CRADD: variants seen among roughly 807,000 people sequenced by gnomAD.
The protein encoded by CRADD is death domain-containing protein CRADD.
In CRADD, 9 loss-of-function variants were observed where a neutral mutation model predicts 15.5. That is an observed-to-expected ratio of 0.58 (90% CI 0.35 to 1.01). The LOEUF is 1.01. CRADD is among the 50% of genes least tolerant of loss of function. The pLI is 0.02. For synonymous variants in CRADD, 118 were observed against 107.6 expected (o/e 1.10, Z -0.60); for missense variants, 227 against 250.3 (o/e 0.91, Z 0.63).
At position 93,690,702 on chromosome 12, in the gene CRADD, G is replaced by A. The variant is rs57226621; in HGVS notation, c.298+11630G>A. On this transcript the variant is annotated intron_variant, in intron 2 of 2. Transcript: ENST00000332896. ...TAGATAAATTGCTCAAGGTCACACA[G>A]TTTGGCAGTAGCAGAGCTGAGGTTC... Among the ~76,000 whole-genome samples the A allele has an allele frequency of 3.7e-3, 560 of 152,352 alleles. 2 individuals are homozygous for A. The highest frequency in any genetic ancestry group is 0.013 in the African/African-American group (538 of 41,590).
chr12:93,716,321 A>G (rs887066731), intron 2 of CRADD, among the ~76,000 whole-genome samples: 3 of 152,142 alleles, frequency 2.0e-5, no homozygotes, highest in East Asian at 1.9e-4. Flanking sequence ...CCCACTGTCT[A>G]CAGTTCCCAG....
chr12:93,808,133 TAGA>T (rs1013089588), intron 2 of CRADD, among the ~76,000 whole-genome samples: 1 of 151,806 alleles, frequency 6.6e-6, no homozygotes, highest in Non-Finnish European at 1.5e-5. Context: ...GTGAGCTGTG[TAGA>T]AGGAGCTGTG....
rs548038538 is a variant in CRADD, at chr12:93,791,137, C to T, written c.299-58833C>T. Among the ~76,000 whole-genome samples the T allele has an allele frequency of 3.3e-5, 5 of 152,222 alleles. No homozygotes were observed. In the East Asian group the frequency reaches 9.6e-4, roughly 29 times the overall value. ...TTTCTTCAAAAAACTAAAAATGGAA[C>T]TATCGTATGATCAAGCAATCTCACT... On this transcript the variant is annotated intron_variant, in intron 2 of 2. Coordinates refer to ENST00000332896, the MANE Select transcript of CRADD (RefSeq NM_003805.5).
At chr12:93,784,722 A>G (rs10859579) in intron 2 of CRADD, among the ~76,000 whole-genome samples, 55,631 of 151,936 alleles carry the variant, frequency 0.37, 11,551 homozygotes, top group East Asian at 0.61. Context: ...AGAGTCCCAG[A>G]GTGATTTACT....
chr12:93,841,453 C>T (rs780788003), intron 2 of CRADD, among the ~76,000 whole-genome samples: 50 of 152,222 alleles, frequency 3.3e-4, no homozygotes, highest in Non-Finnish European at 6.3e-4. Flanking sequence ...GTCCAAGGTC[C>T]ACAGGATCCA....
At chr12:93,867,404 T>TATATATATATATATATATATA (rs1491540248) in intron 2 of CRADD, among the ~76,000 whole-genome samples, 6 of 127,284 alleles carry the variant, frequency 4.7e-5, no homozygotes, top group Admixed American at 8.4e-5. Context: ...TATATATATA[T>TATATATATATATATATATATA]TTTTTAAACT....
At position 93,850,339 on chromosome 12, in the gene CRADD, A is replaced by G; in HGVS notation, c.*68A>G. On this transcript the variant is annotated 3_prime_UTR_variant, in exon 3 of 3. Transcript: ENST00000332896. This position sits in a 1 kb window ranked among gnomAD's most constrained non-coding sequence, Gnocchi z 4.0. ...GTGGGCTGAATCCTGACTTTCACTC[A>G]GAGCAGGTGGTTTTTTGTGTAGGTT... The G allele has an allele frequency of 4.0e-6, 6 of 1,508,902 alleles. No individual in the cohort carries two copies. The highest frequency in any genetic ancestry group is 5.3e-6 in the Non-Finnish European group (6 of 1,133,314). 93.5% of individuals were successfully genotyped at this position (1,508,902 alleles called of 1,614,324 possible).
At chr12:93,819,177 C>G (rs1957741885) in intron 2 of CRADD, among the ~76,000 whole-genome samples, 1 of 152,230 alleles carries the variant, frequency 6.6e-6, no homozygotes, top group Non-Finnish European at 1.5e-5. Flanking sequence ...TGTGTGCGTA[C>G]TCTTGGCAGC....
At chr12:93,768,614 T>G (rs1957050162) in intron 2 of CRADD, among the ~76,000 whole-genome samples, 2 of 152,200 alleles carry the variant, frequency 1.3e-5, no homozygotes, top group African/African-American at 4.8e-5. Flanking sequence ...ATAACATAAT[T>G]TGCTAAGCAG....
At chr12:93,799,273 T>C (rs1436244101) in intron 2 of CRADD, among the ~76,000 whole-genome samples, 1 of 152,232 alleles carries the variant, frequency 6.6e-6, no homozygotes, top group Non-Finnish European at 1.5e-5. Context: ...GATTTTACTT[T>C]CTGAGGTTAT....
chr12:93,869,161 G>A (rs1958396800), intron 2 of CRADD, among the ~76,000 whole-genome samples: 1 of 152,090 alleles, frequency 6.6e-6, no homozygotes, highest in Admixed American at 6.5e-5. Context: ...CTAGATATAA[G>A]GATCATATCC....
chr12:93,701,295 G>GAC (rs55986038), intron 2 of CRADD, among the ~76,000 whole-genome samples: 63,427 of 143,284 alleles, frequency 0.44, 13,713 homozygotes, highest in South Asian at 0.56. Context: ...CTCTCTCTGT[G>GAC]ACACACACAC....
At chr12:93,771,812 T>A (rs1375644369) in intron 2 of CRADD, among the ~76,000 whole-genome samples, 1 of 152,248 alleles carries the variant, frequency 6.6e-6, no homozygotes, top group East Asian at 1.9e-4. Flanking sequence ...TTTACCTCCA[T>A]GATCTTGATT....
chr12:93,886,903 C>T (rs1012429698), intron 2 of CRADD, among the ~76,000 whole-genome samples: 4 of 152,140 alleles, frequency 2.6e-5, no homozygotes, highest in African/African-American at 4.8e-5. Flanking sequence ...TTGGGAAGGA[C>T]GCTAATATTT....
intron 2 of CRADD, among the ~76,000 whole-genome samples, chr12:93,884,557 G>C (rs1428770387): frequency 6.6e-6 from 1 of 152,176 alleles, no homozygotes; most frequent in Non-Finnish European, 1.5e-5. Context: ...CACGGAATTT[G>C]CAGCGAGGAG....
In CRADD at chr12:93,724,098, G is replaced by A. The variant is rs139753091; in HGVS notation, c.298+45026G>A. Among the ~76,000 whole-genome samples, 500 of 152,254 alleles carry A rather than the reference G, an allele frequency of 3.3e-3. 2 individuals carry two copies. Among genetic ancestry groups the A allele is most frequent in the African/African-American group, 0.011 (461 of 41,536 alleles). ...CTTGGGGAAGTTTCTGCTCCAGGCC[G>A]GGTGCAGTGGCTCACACCTGTAATC... On this transcript the variant is annotated intron_variant, in intron 2 of 2. Coordinates refer to ENST00000332896, the MANE Select transcript of CRADD (RefSeq NM_003805.5).
At chr12:93,787,313 T>G (rs56037940) in intron 2 of CRADD, among the ~76,000 whole-genome samples, 37 of 83,726 alleles carry the variant, frequency 4.4e-4, no homozygotes, top group South Asian at 2.3e-3. Context: ...GGGTTTTTTT[T>G]TTTTTTTTTT....
At chr12:93,688,240 G>A (rs1410375579) in intron 2 of CRADD, among the ~76,000 whole-genome samples, 2 of 152,148 alleles carry the variant, frequency 1.3e-5, no homozygotes, top group African/African-American at 4.8e-5. Context: ...ATTGGCTCAC[G>A]CCTGTTAATT....
At chr12:93,757,801 A>G (rs1956908004) in intron 2 of CRADD, among the ~76,000 whole-genome samples, 1 of 152,074 alleles carries the variant, frequency 6.6e-6, no homozygotes, top group Non-Finnish European at 1.5e-5. Flanking sequence ...GAGTGTCATC[A>G]TCTGGTAGAT....
Sources: gnomAD v4.1 joint callset for allele counts (sites outside exome capture counted in the v4.1 genomes callset) on GRCh38, gnomAD v4.1.1 for gene constraint, Gnocchi (gnomAD v3.1) non-coding constraint, MANE v1.5 for transcripts, NCBI Gene and HGNC (gene_info 2026-07-23, HGNC 2026-07-21) for gene names.